The following JAKMIP1 variants were observed in gnomAD, a reference collection of about 807,000 sequenced individuals.
JAKMIP1 encodes the protein janus kinase and microtubule interacting protein 1, also known as janus kinase and microtubule-interacting protein 1.
In JAKMIP1, 33 loss-of-function variants were observed where a neutral mutation model predicts 113.0. The ratio of observed to expected loss-of-function variants is 0.29; its 90% CI spans 0.22 to 0.39. The LOEUF (loss-of-function observed/expected upper bound fraction) is 0.39. Among genes scored for constraint, JAKMIP1 ranks in the 10% least tolerant of loss-of-function variants. The probability of loss-of-function intolerance (pLI) is 1.00; values close to 1 mark genes in which losing one functional copy is unlikely to be tolerated. For synonymous variants in JAKMIP1, 480 were observed against 459.9 expected (o/e 1.04, Z -0.56); for missense variants, 813 against 1,080.5 (o/e 0.75, Z 3.47).
intron 16 of JAKMIP1, among the ~76,000 whole-genome samples, chr4:6,048,010 TGA>T (rs1715213473): frequency 6.6e-6 from 1 of 152,132 alleles, no homozygotes; most frequent in Non-Finnish European, 1.5e-5. Context: ...GATGGATGGG[TGA>T]ACAAATCCAA....
At chr4:6,145,129 A>G (rs902272260) in intron 1 of JAKMIP1, among the ~76,000 whole-genome samples, 2 of 152,228 alleles carry the variant, frequency 1.3e-5, no homozygotes, top group Non-Finnish European at 2.9e-5. Context: ...GATATAGTCT[A>G]GAGGATGCAA....
intron 19 of JAKMIP1, among the ~76,000 whole-genome samples, chr4:6,032,628 G>C (rs1415689348): frequency 1.3e-5 from 2 of 152,084 alleles, no homozygotes; most frequent in Non-Finnish European, 2.9e-5. Flanking sequence ...ACCTAGAACA[G>C]TGCTTGGTAC....
rs1343919050 is a variant in JAKMIP1 at position 6,193,027 on chromosome 4, G to A, written c.-148+7226C>T. Among the ~76,000 whole-genome samples, 1 of 152,200 alleles carries A rather than the reference G, an allele frequency of 6.6e-6. No individual in the cohort carries two copies. Among genetic ancestry groups the A allele is most frequent in the Non-Finnish European group, 1.5e-5 (1 of 68,024 alleles). On this transcript the variant is annotated intron_variant, in intron 1 of 20. Transcript: ENST00000409021. The surrounding 1 kb of genome is among the most constrained non-coding windows in gnomAD (Gnocchi z 6.4). ...TGGGAGAGGCAGACCCACCCTCAGT[G>A]TGGGTGGGCACCATCTAATCGGCTG...
At position 6,069,996 on chromosome 4, in the gene JAKMIP1, C is replaced by A. The variant is rs189518820; in HGVS notation, c.1303-4988G>T. ...ACCTGTCACAGGCAGGAGCATCGGTCGGCCACAGCCAGGGACCGCCAGAGA... is the reference window on the plus strand; with the variant it reads ...ACCTGTCACAGGCAGGAGCATCGGTAGGCCACAGCCAGGGACCGCCAGAGA... On this transcript the variant is annotated intron_variant, in intron 8 of 20. Transcript: ENST00000409021. The surrounding 1 kb of genome is among the most constrained non-coding windows in gnomAD (Gnocchi z 4.5). The A allele has an allele frequency of 7.5e-6, 3 of 398,138 alleles. No individual in the cohort carries two copies. In the South Asian group the frequency reaches 3.9e-4, roughly 51 times the overall value. The allele number at this position is 398,138 out of a possible 1,614,324, so 24.7% of individuals were successfully genotyped here.
rs142262864 is a variant in JAKMIP1, at chr4:6,097,384, C to G, written c.624+8089G>C. On this transcript the variant is annotated intron_variant, in intron 3 of 20. Transcript: ENST00000409021. This position sits in a 1 kb window ranked among gnomAD's most constrained non-coding sequence, Gnocchi z 4.3. The stretch of plus-strand genomic sequence containing the variant: ...CTGATACAGTGGAGAAGATAATGTG[C>G]TCATGGTAACATGTGAGCTTGCTTG... Among the ~76,000 whole-genome samples the G allele has an allele frequency of 1.6e-3, 245 of 152,342 alleles. No homozygotes were observed. The highest frequency in any genetic ancestry group is 6.8e-3 in the Middle Eastern group (2 of 294).
chr4:6,071,129 T>C (rs1414051885), intron 8 of JAKMIP1, among the ~76,000 whole-genome samples: 1 of 152,250 alleles, frequency 6.6e-6, no homozygotes, highest in Non-Finnish European at 1.5e-5. Flanking sequence ...CCTTTGGAAG[T>C]TTCCATCAGA....
rs1054001725 is a variant in JAKMIP1 at position 6,176,217 on chromosome 4, G to C, written c.-148+24036C>G. Reference sequence around the variant, plus strand: ...AGAGGGTTACACCTGGGTGGAAAAGGACAGATCACCCCCTCATACGTTTCA... The same window carrying C: ...AGAGGGTTACACCTGGGTGGAAAAGCACAGATCACCCCCTCATACGTTTCA... On this transcript the variant is annotated intron_variant, in intron 1 of 20. Coordinates refer to ENST00000409021, the MANE Select transcript of JAKMIP1 (RefSeq NM_001099433.2). This position sits in a 1 kb window ranked among gnomAD's most constrained non-coding sequence, Gnocchi z 5.5. Among the ~76,000 whole-genome samples, 1 of 152,172 alleles carries C rather than the reference G, an allele frequency of 6.6e-6. No individual in the cohort carries two copies. The highest frequency in any genetic ancestry group is 6.5e-5 in the Admixed American group (1 of 15,286).
Position 6,180,490 on chromosome 4 carries a change from TAAC to T in JAKMIP1, c.-148+19760_-148+19762del, listed in dbSNP as rs1725894787. Among the ~76,000 whole-genome samples, 1 of 152,308 alleles carries T rather than the reference TAAC, an allele frequency of 6.6e-6. No individual in the cohort carries two copies. Among genetic ancestry groups the T allele is most frequent in the South Asian group, 2.1e-4 (1 of 4,818 alleles). The stretch of plus-strand genomic sequence containing the variant: ...GTGCTACAAGAAGAATTAAGCACCA[TAAC>T]AACACAGACACCCCTCTCCCATCAG... On this transcript the variant is annotated intron_variant, in intron 1 of 20. Coordinates refer to ENST00000409021, the MANE Select transcript of JAKMIP1 (RefSeq NM_001099433.2). This position sits in a 1 kb window ranked among gnomAD's most constrained non-coding sequence, Gnocchi z 4.5.
Position 6,192,307 on chromosome 4 carries a change from G to A in JAKMIP1, c.-148+7946C>T, listed in dbSNP as rs530666664. 7.2e-5 allele frequency among the ~76,000 whole-genome samples: 11 copies of A among 152,200 alleles called. No homozygotes were observed. Among genetic ancestry groups the A allele is most frequent in the East Asian group, 5.8e-4 (3 of 5,160 alleles). On this transcript the variant is annotated intron_variant, in intron 1 of 20. Transcript: ENST00000409021. The surrounding 1 kb of genome is among the most constrained non-coding windows in gnomAD (Gnocchi z 5.0). The stretch of plus-strand genomic sequence containing the variant: ...GCAGTGCTCAATAGCCCCTACCGGC[G>A]AGTGGCTACTGGAATGGGACAGCTC...
chr4:6,195,782 T>C (rs1727764702), intron 1 of JAKMIP1, among the ~76,000 whole-genome samples: 1 of 152,170 alleles, frequency 6.6e-6, no homozygotes, highest in African/African-American at 2.4e-5. Context: ...GGAGGCAAAC[T>C]CCTCCTGGAA....
chr4:6,121,231 ATCT>A, intron 1 of JAKMIP1, among the ~76,000 whole-genome samples: 1 of 149,654 alleles, frequency 6.7e-6, no homozygotes, highest in East Asian at 2.0e-4. Context: ...CAGCAGCTTC[ATCT>A]TCATCAGCAT....
At chr4:6,079,234 TGA>T (rs1720146155) in intron 7 of JAKMIP1, among the ~76,000 whole-genome samples, 1 of 152,190 alleles carries the variant, frequency 6.6e-6, no homozygotes, top group South Asian at 2.1e-4. Context: ...TAAGCTGCAT[TGA>T]GTCTTTTGTG....
rs1030295175 is a variant in JAKMIP1, at chr4:6,141,314, T to G, written c.-147-28317A>C. ...AGCCAGGGGTGGTGGCGCGCATCTG[T>G]AATCCCAGCTACTTGACAGGCTGAG... On this transcript the variant is annotated intron_variant, in intron 1 of 20. Coordinates refer to ENST00000409021, the MANE Select transcript of JAKMIP1 (RefSeq NM_001099433.2). The surrounding 1 kb of genome is among the most constrained non-coding windows in gnomAD (Gnocchi z 9.4). Among the ~76,000 whole-genome samples the G allele has an allele frequency of 6.6e-6, 1 of 152,050 alleles. No homozygotes were observed. The highest frequency in any genetic ancestry group is 2.4e-5 in the African/African-American group (1 of 41,362).
In JAKMIP1 at chr4:6,141,540, A is replaced by C. The variant is rs1394278582; in HGVS notation, c.-147-28543T>G. Among the ~76,000 whole-genome samples, 1 of 152,250 alleles carries C rather than the reference A, an allele frequency of 6.6e-6. No homozygotes were observed. The highest frequency in any genetic ancestry group is 1.5e-5 in the Non-Finnish European group (1 of 68,040). On this transcript the variant is annotated intron_variant, in intron 1 of 20. Coordinates refer to ENST00000409021, the MANE Select transcript of JAKMIP1 (RefSeq NM_001099433.2). This position sits in a 1 kb window ranked among gnomAD's most constrained non-coding sequence, Gnocchi z 9.4. ...TTGCTGCTTTACAAAACAAATATTG[A>C]CTACAGTCCTTAGGACCCCCATAAA...
intron 16 of JAKMIP1, among the ~76,000 whole-genome samples, chr4:6,047,514 G>A (rs1031030183): frequency 2.0e-5 from 3 of 152,198 alleles, no homozygotes; most frequent in Non-Finnish European, 4.4e-5. Flanking sequence ...CCGTCCCGCG[G>A]TTCACCAGAA....
chr4:6,093,017 A>G lies in JAKMIP1; in HGVS notation c.625-7388T>C, dbSNP rs1722295641. On this transcript the variant is annotated intron_variant, in intron 3 of 20. Transcript: ENST00000409021. This position sits in a 1 kb window ranked among gnomAD's most constrained non-coding sequence, Gnocchi z 4.6. ...ATTTTACTGGGAATCCAAGTATCACATATCATCATGGCTATTTTAGAGATA... is the reference window on the plus strand; with the variant it reads ...ATTTTACTGGGAATCCAAGTATCACGTATCATCATGGCTATTTTAGAGATA... Among the ~76,000 whole-genome samples the G allele has an allele frequency of 6.6e-6, 1 of 152,210 alleles. No homozygotes were observed. Among genetic ancestry groups the G allele is most frequent in the Admixed American group, 6.5e-5 (1 of 15,268 alleles).
At position 6,049,008 on chromosome 4, in the gene JAKMIP1, T is replaced by C. The variant is rs142671397; in HGVS notation, c.1963-86A>G. 1,179 of 984,178 alleles carry C rather than the reference T, an allele frequency of 1.2e-3. 9 individuals are homozygous for C. In the African/African-American group the frequency reaches 0.017, roughly 14 times the overall value. 61.0% of individuals were successfully genotyped at this position (984,178 alleles called of 1,614,324 possible). A position where few individuals can be genotyped will look rare whatever the true frequency, so the allele number is the denominator to read the frequency against. On this transcript the variant is annotated intron_variant, in intron 15 of 20. Transcript: ENST00000409021. The surrounding 1 kb of genome is among the most constrained non-coding windows in gnomAD (Gnocchi z 7.0). ...TCAGCACCAAGCAAGTTTTTTTTTT[T>C]CGTTGTTGTTGTTTGTTTTATTATG...
chr4:6,119,642 C>T (rs1288500361), intron 1 of JAKMIP1, among the ~76,000 whole-genome samples: 1 of 152,230 alleles, frequency 6.6e-6, no homozygotes, highest in African/African-American at 2.4e-5. Context: ...CCTCAGAACA[C>T]GAGTCTGAAT....
At chr4:6,196,425 T>C (rs1454309346) in intron 1 of JAKMIP1, among the ~76,000 whole-genome samples, 1 of 152,172 alleles carries the variant, frequency 6.6e-6, no homozygotes, top group Non-Finnish European at 1.5e-5. Context: ...GAAAATACTT[T>C]CTGAAGGCAT....
Sources: gnomAD v4.1 joint callset for allele counts (sites outside exome capture counted in the v4.1 genomes callset) on GRCh38, gnomAD v4.1.1 for gene constraint, Gnocchi (gnomAD v3.1) non-coding constraint, MANE v1.5 for transcripts, NCBI Gene and HGNC (gene_info 2026-07-23, HGNC 2026-07-21) for gene names.